The following GCNT1 variants were observed in gnomAD, a reference collection of about 807,000 sequenced individuals.
GCNT1 encodes beta-1,3-galactosyl-O-glycosyl-glycoprotein beta-1,6-N-acetylglucosaminyltransferase.
GCNT1 carries 16 observed loss-of-function variants against 26.2 expected under a neutral mutation model. The ratio of observed to expected loss-of-function variants is 0.61; its 90% CI spans 0.41 to 0.93. GCNT1 has a LOEUF of 0.93. GCNT1 is among the 40% of genes least tolerant of loss of function. The probability of loss-of-function intolerance (pLI) is 0.00; values close to 1 mark genes in which losing one functional copy is unlikely to be tolerated. For synonymous variants in GCNT1, 183 were observed against 190.8 expected (o/e 0.96, Z 0.34); for missense variants, 477 against 526.7 (o/e 0.91, Z 0.92).
chr9:76,502,963 G>C lies in GCNT1; in HGVS notation c.582G>C (p.Gln194His), dbSNP rs71509884. The change falls in exon 4 of 4, where the codon CAG becomes CAC. Residue 194 changes from glutamine to histidine, a missense_variant. Physicochemically the swap from Gln to His is conservative, Grantham distance 24 (BLOSUM62 0). Coordinates refer to ENST00000376730, the MANE Select transcript of GCNT1 (RefSeq NM_001490.5). ...SVVYASWSRVQADLNCMKDLY... is the reference protein window; with the variant it reads ...SVVYASWSRVHADLNCMKDLY... ...TTTATGCATCGTGGAGCCGGGTTCA[G>C]GCTGACCTCAACTGCATGAAGGATC... 26 of 1,613,090 alleles carry C rather than the reference G, an allele frequency of 1.6e-5. No individual in the cohort carries two copies. Among genetic ancestry groups the C allele is most frequent in the Non-Finnish European group, 1.9e-5 (23 of 1,179,972 alleles).
the GCNT1 span, among the ~76,000 whole-genome samples, chr9:76,412,189 T>G: frequency 6.6e-6 from 1 of 152,332 alleles, no homozygotes; most frequent in South Asian, 2.1e-4. Flanking sequence ...GCATTTCACT[T>G]AATGAATGCT....
intron 2 of GCNT1, among the ~76,000 whole-genome samples, chr9:76,479,136 C>T (rs1282875811): frequency 2.6e-5 from 4 of 151,940 alleles, no homozygotes; most frequent in Non-Finnish European, 5.9e-5. Context: ...CGATAGTTTG[C>T]TGAGAATGAT....
upstream of GCNT1, among the ~76,000 whole-genome samples, chr9:76,437,983 A>G (rs1487547110): frequency 6.6e-6 from 1 of 152,256 alleles, no homozygotes; most frequent in African/African-American, 2.4e-5. Context: ...GGATAAATTG[A>G]GTAGTCTAGT....
Position 76,506,099 on chromosome 9 carries a change from TAAAG to T in GCNT1, c.*2434_*2437del, listed in dbSNP as rs1825231502. 1.8e-5 allele frequency: 3 copies of T among 167,022 alleles called. No homozygotes were observed. In the South Asian group the frequency reaches 6.2e-4, roughly 35 times the overall value. 10.3% of individuals were successfully genotyped at this position (167,022 alleles called of 1,614,324 possible). A position where few individuals can be genotyped will look rare whatever the true frequency, so the allele number is the denominator to read the frequency against. On this transcript the variant is annotated 3_prime_UTR_variant, in exon 4 of 4. Transcript: ENST00000376730. ...ATTTATGATGCTGTGACAAGAAATT[TAAAG>T]AATCAAAACGATGGTTTGAAAAGGA...
intron 1 of GCNT1, among the ~76,000 whole-genome samples, chr9:76,433,884 A>G (rs1587408719): frequency 6.6e-6 from 1 of 152,334 alleles, no homozygotes; most frequent in East Asian, 1.9e-4. Context: ...GTTGTCCTTC[A>G]GTGAACCTCC....
At position 76,503,119 on chromosome 9, in the gene GCNT1, G is replaced by T; in HGVS notation, c.738G>T (p.Arg246Ser). The T allele has an allele frequency of 6.2e-7, 1 of 1,614,174 alleles. No individual in the cohort carries two copies. ...GAGAAAACAACCTGGAAACGGAGAG[G>T]ATGCCATCCCATAAAGAAGAAAGGT... ...LMGENNLETE[R>S]MPSHKEERWK... Residue 246 changes from arginine to serine, a missense_variant, in exon 4 of 4, where the codon AGG becomes AGT. Physicochemically the swap from Arg to Ser is moderately radical, Grantham distance 110. Coordinates refer to ENST00000376730, the MANE Select transcript of GCNT1 (RefSeq NM_001490.5).
intron 2 of GCNT1, among the ~76,000 whole-genome samples, chr9:76,493,630 T>A (rs913901647): frequency 6.6e-6 from 1 of 152,118 alleles, no homozygotes; most frequent in African/African-American, 2.4e-5. Flanking sequence ...TTTCTTTGCT[T>A]GTTTCCTTCT....
At chr9:76,424,489 A>G (rs1823235203) in intron 1 of GCNT1, among the ~76,000 whole-genome samples, 1 of 152,262 alleles carries the variant, frequency 6.6e-6, no homozygotes, top group South Asian at 2.1e-4. Context: ...GGATAATAGC[A>G]CAGCAATTAA....
intron 1 of GCNT1, among the ~76,000 whole-genome samples, chr9:76,448,620 C>T (rs535521040): frequency 6.6e-6 from 1 of 152,198 alleles, no homozygotes; most frequent in Non-Finnish European, 1.5e-5. Context: ...GCCCTCCTCT[C>T]CCCACACTCA....
At chr9:76,500,648 A>G (rs1396224480) in intron 2 of GCNT1, among the ~76,000 whole-genome samples, 2 of 152,174 alleles carry the variant, frequency 1.3e-5, no homozygotes, top group African/African-American at 4.8e-5. Context: ...GTTCCTTGGT[A>G]TACATTAAGG....
At chr9:76,413,656 T>C in the GCNT1 span, among the ~76,000 whole-genome samples, 1 of 92,464 alleles carries the variant, frequency 1.1e-5, no homozygotes, top group African/African-American at 4.3e-5. Context: ...TTGTTTTGTT[T>C]TTTTTTTTTT....
chr9:76,470,603 CAAAAA>C (rs10564028), intron 2 of GCNT1, among the ~76,000 whole-genome samples: 3 of 94,212 alleles, frequency 3.2e-5, no homozygotes, highest in Non-Finnish European at 4.3e-5. Context: ...GACCCTGTCC[CAAAAA>C]AAAAAAAAAA....
chr9:76,454,511 A>C (rs146051368), upstream of GCNT1, among the ~76,000 whole-genome samples: 1,034 of 144,770 alleles, frequency 7.1e-3, 7 homozygotes, highest in Admixed American at 0.013. Flanking sequence ...GCTTCTTGGG[A>C]GGGGATGTGA....
rs770422124 is a variant in GCNT1, at chr9:76,504,788, C to G, written c.*1120C>G. 2.4e-6 allele frequency: 1 copy of G among 413,374 alleles called. No individual in the cohort carries two copies. 25.6% of individuals were successfully genotyped at this position (413,374 alleles called of 1,614,324 possible). A position where few individuals can be genotyped will look rare whatever the true frequency, so the allele number is the denominator to read the frequency against. The stretch of plus-strand genomic sequence containing the variant: ...ACTTGGCCCTGTTCTTGGGTCTTCC[C>G]GTTACCTGCCCCCTGGGTGGTAAGT... On this transcript the variant is annotated 3_prime_UTR_variant, in exon 4 of 4. Transcript: ENST00000376730.
upstream of GCNT1, among the ~76,000 whole-genome samples, chr9:76,439,505 G>T (rs1195556140): frequency 2.0e-5 from 3 of 151,798 alleles, no homozygotes; most frequent in East Asian, 3.9e-4. Flanking sequence ...GATTACAGGC[G>T]TGAGCCACCA....
In GCNT1 at chr9:76,502,680, G is replaced by C; in HGVS notation, c.299G>C (p.Cys100Ser). 1 of 1,614,130 alleles carries C rather than the reference G, an allele frequency of 6.2e-7. No homozygotes were observed. Among genetic ancestry groups the C allele is most frequent in the Non-Finnish European group, 8.5e-7 (1 of 1,179,996 alleles). Residue 100 changes from cysteine (C) to serine (S), a missense_variant, in exon 4 of 4, where the codon TGT becomes TCT. Coordinates refer to ENST00000376730, the MANE Select transcript of GCNT1 (RefSeq NM_001490.5). ...GACTATATAAACATGACCAGTGACTGTTCTTCTTTCATCAAGAGACGCAAA... is the reference window on the plus strand; with the variant it reads ...GACTATATAAACATGACCAGTGACTCTTCTTCTTTCATCAAGAGACGCAAA... The part of the protein sequence containing the change: ...PDDYINMTSD[C>S]SSFIKRRKYI...
At chr9:76,462,786 G>A (rs1032220631) in intron 2 of GCNT1, among the ~76,000 whole-genome samples, 1 of 152,070 alleles carries the variant, frequency 6.6e-6, no homozygotes, top group African/African-American at 2.4e-5. Context: ...TTTGTGAATG[G>A]CCAATGTGTC....
chr9:76,460,836 G>T (rs925025458), intron 2 of GCNT1, among the ~76,000 whole-genome samples: 4 of 151,990 alleles, frequency 2.6e-5, no homozygotes, highest in African/African-American at 9.7e-5. Flanking sequence ...TCCTCTGCCC[G>T]TCCTTCAACT....
intron 2 of GCNT1, among the ~76,000 whole-genome samples, chr9:76,487,878 G>A (rs926775380): frequency 6.6e-6 from 1 of 152,106 alleles, no homozygotes; most frequent in Non-Finnish European, 1.5e-5. Flanking sequence ...GGGACTACAG[G>A]TGCACACCAC....
Sources: gnomAD v4.1 joint callset for allele counts (sites outside exome capture counted in the v4.1 genomes callset) on GRCh38, gnomAD v4.1.1 for gene constraint, MANE v1.5 for transcripts, NCBI Gene and HGNC (gene_info 2026-07-23, HGNC 2026-07-21) for gene names.